Variants in PIP4K2A observed in about 807,000 individuals in gnomAD.
PIP4K2A encodes phosphatidylinositol-5-phosphate 4-kinase type 2 alpha.
PIP4K2A carries 14 observed loss-of-function variants against 42.9 expected under a neutral mutation model. The ratio of observed to expected loss-of-function variants is 0.33; its 90% confidence interval spans 0.22 to 0.51. The LOEUF (loss-of-function observed/expected upper bound fraction) is 0.51. Among genes scored for constraint, PIP4K2A ranks in the 20% least tolerant of loss-of-function variants. The pLI is 0.97. For missense variants in PIP4K2A, 434 were observed against 519.8 expected (o/e 0.83, Z 1.61); for synonymous variants, 192 against 192.2 (o/e 1.00, Z 0.01).
chr10:22,655,162 T>C (rs906826092), intron 1 of PIP4K2A, among the ~76,000 whole-genome samples: 4 of 152,114 alleles, frequency 2.6e-5, no homozygotes, highest in South Asian at 2.1e-4. Context: ...ACAAGGTAAA[T>C]TGATAGAAGC....
At chr10:22,712,271 C>A (rs1445598725) in intron 1 of PIP4K2A, among the ~76,000 whole-genome samples, 1 of 152,082 alleles carries the variant, frequency 6.6e-6, no homozygotes, top group Non-Finnish European at 1.5e-5. Flanking sequence ...AAGGTAGCAA[C>A]GTAAGTGGTT....
chr10:22,664,152 C>CATATATATAT (rs1350615985), intron 1 of PIP4K2A, among the ~76,000 whole-genome samples: 42 of 20,864 alleles, frequency 2.0e-3, no homozygotes, highest in Non-Finnish European at 2.4e-3. Context: ...CATATATATA[C>CATATATATAT]ACATATATAT....
chr10:22,659,217 T>G (rs549383685), intron 1 of PIP4K2A, among the ~76,000 whole-genome samples: 95 of 152,356 alleles, frequency 6.2e-4, no homozygotes, highest in African/African-American at 2.2e-3. Flanking sequence ...CTTTTTCTTT[T>G]CCTAGGCACA....
intron 9 of PIP4K2A, among the ~76,000 whole-genome samples, chr10:22,537,634 T>C (rs1298650908): frequency 6.6e-6 from 1 of 152,208 alleles, no homozygotes; most frequent in Non-Finnish European, 1.5e-5. Flanking sequence ...ATACTTATGT[T>C]ATACTTTTCA....
In PIP4K2A at chr10:22,616,761, T is replaced by C. The variant is rs183876240; in HGVS notation, c.145-7044A>G. Among the ~76,000 whole-genome samples, 728 of 152,298 alleles carry C rather than the reference T, an allele frequency of 4.8e-3. 5 individuals are homozygous for C. The highest frequency in any genetic ancestry group is 0.016 in the African/African-American group (670 of 41,560). On this transcript the variant is annotated intron_variant, in intron 1 of 9. Transcript: ENST00000376573. ...TAAAATACACACTTAACTGAATATGTACCATGGGCTACTACAATTACACCA... is the reference window on the plus strand; with the variant it reads ...TAAAATACACACTTAACTGAATATGCACCATGGGCTACTACAATTACACCA...
At chr10:22,567,697 G>T in intron 6 of PIP4K2A, 154 bp downstream of exon 6, 1 of 779,488 alleles carries the variant, frequency 1.3e-6, no homozygotes, top group South Asian at 1.4e-5. Context: ...AACTCTCATC[G>T]GGTCAATACA....
At chr10:22,711,424 AT>A (rs1440041138) in intron 1 of PIP4K2A, among the ~76,000 whole-genome samples, 1 of 152,212 alleles carries the variant, frequency 6.6e-6, no homozygotes, top group African/African-American at 2.4e-5. Context: ...ATGTTGCTGC[AT>A]TTGGAAGGTT....
intron 1 of PIP4K2A, among the ~76,000 whole-genome samples, chr10:22,632,421 T>C (rs1838569014): frequency 6.6e-6 from 1 of 152,222 alleles, no homozygotes; most frequent in African/African-American, 2.4e-5. Flanking sequence ...TAAAATGGTA[T>C]TTTTAGTATA....
At chr10:22,620,242 T>C (rs1288839967) in intron 1 of PIP4K2A, among the ~76,000 whole-genome samples, 1 of 152,250 alleles carries the variant, frequency 6.6e-6, no homozygotes, top group African/African-American at 2.4e-5. Flanking sequence ...GTTAAAATTC[T>C]ACCTCCCATG....
intron 1 of PIP4K2A, among the ~76,000 whole-genome samples, chr10:22,644,360 G>A (rs552804792): frequency 3.3e-5 from 5 of 152,252 alleles, no homozygotes; most frequent in African/African-American, 9.6e-5. Context: ...TGCAGATGGC[G>A]GCAAAGCCTC....
intron 7 of PIP4K2A, among the ~76,000 whole-genome samples, chr10:22,542,637 C>T (rs1836151593): frequency 6.6e-6 from 1 of 152,232 alleles, no homozygotes; most frequent in Non-Finnish European, 1.5e-5. Context: ...ATCCAGGATT[C>T]CTGTCCTCCC....
intron 3 of PIP4K2A, among the ~76,000 whole-genome samples, chr10:22,605,766 A>G (rs900682474): frequency 3.3e-5 from 5 of 152,058 alleles, no homozygotes; most frequent in Non-Finnish European, 7.4e-5. Context: ...GAGAAGGAGG[A>G]ACACACTGGT....
At chr10:22,570,656 G>C (rs933066924) in intron 5 of PIP4K2A, among the ~76,000 whole-genome samples, 1 of 152,148 alleles carries the variant, frequency 6.6e-6, no homozygotes, top group African/African-American at 2.4e-5. Flanking sequence ...CAGAACCCTG[G>C]GGTCCCAAGA....
At chr10:22,638,551 T>C (rs982373644) in intron 1 of PIP4K2A, among the ~76,000 whole-genome samples, 2 of 152,264 alleles carry the variant, frequency 1.3e-5, no homozygotes, top group African/African-American at 4.8e-5. Flanking sequence ...TACTCATTTT[T>C]ACTCTTTATT....
intron 6 of PIP4K2A, among the ~76,000 whole-genome samples, chr10:22,561,752 T>TG (rs1057139356): frequency 7.3e-5 from 11 of 151,418 alleles, no homozygotes; most frequent in African/African-American, 2.2e-4. Flanking sequence ...TTTGTAGAGT[T>TG]GGGGGTCTCG....
At position 22,536,559 on chromosome 10, in the gene PIP4K2A, G is replaced by A. The variant is rs146594118; in HGVS notation, c.*642C>T. 19 of 159,332 alleles carry A rather than the reference G, an allele frequency of 1.2e-4. No individual in the cohort carries two copies. The highest frequency in any genetic ancestry group is 1.9e-4 in the Non-Finnish European group (14 of 73,224). 9.9% of individuals were successfully genotyped at this position (159,332 alleles called of 1,614,324 possible). On this transcript the variant is annotated 3_prime_UTR_variant, in exon 10 of 10. Transcript: ENST00000376573. The stretch of plus-strand genomic sequence containing the variant: ...CGCCAGCATTCTTCCGTCCAGTGCT[G>A]GGGGCTCAGGTTATCAGTGTTAGGG...
intron 1 of PIP4K2A, among the ~76,000 whole-genome samples, chr10:22,616,392 A>G (rs1750752): frequency 0.23 from 35,734 of 152,132 alleles, 6,722 homozygotes; most frequent in African/African-American, 0.53. Context: ...CCAAGGGGGT[A>G]GAGGTGCTAT....
At chr10:22,706,842 G>A (rs1833832654) in intron 1 of PIP4K2A, among the ~76,000 whole-genome samples, 1 of 152,172 alleles carries the variant, frequency 6.6e-6, no homozygotes, top group African/African-American at 2.4e-5. Context: ...AAGGGCACAA[G>A]GGTAATTCTA....
chr10:22,642,726 T>C (rs1838806571), intron 1 of PIP4K2A, among the ~76,000 whole-genome samples: 1 of 151,478 alleles, frequency 6.6e-6, no homozygotes, highest in African/African-American at 2.4e-5. Context: ...GTTAAGACAA[T>C]GACACATTCA....
Sources: allele counts gnomAD v4.1 joint callset (sites outside exome capture counted in the v4.1 genomes callset), GRCh38; gene constraint gnomAD v4.1.1; transcripts MANE v1.5; gene names NCBI Gene and HGNC (gene_info 2026-07-23, HGNC 2026-07-21).